Variants in ADAM12 observed in about 807,000 individuals in gnomAD.
The protein encoded by ADAM12 is disintegrin and metalloproteinase domain-containing protein 12.
Under a neutral mutation model 106.4 loss-of-function variants are expected in ADAM12, and 70 were observed. That is an observed-to-expected ratio of 0.66 (90% CI 0.54 to 0.80). The LOEUF is 0.80. ADAM12 is among the 30% of genes least tolerant of loss of function. The pLI is 0.00. For synonymous variants in ADAM12, 420 were observed against 433.5 expected (o/e 0.97, Z 0.39); for missense variants, 1,010 against 1,171.9 (o/e 0.86, Z 2.02).
At chr10:126,116,709 C>A (rs567202574) in intron 6 of ADAM12, among the ~76,000 whole-genome samples, 1 of 151,920 alleles carries the variant, frequency 6.6e-6, no homozygotes, top group East Asian at 2.0e-4. Context: ...AAACAGAAGA[C>A]GTGAGGGTTA....
At chr10:126,029,788 A>G (rs1013877386) in intron 21 of ADAM12, among the ~76,000 whole-genome samples, 1 of 152,246 alleles carries the variant, frequency 6.6e-6, no homozygotes, top group Non-Finnish European at 1.5e-5. Context: ...TCATCTCACT[A>G]TGAAGTATTT....
intron 1 of ADAM12, among the ~76,000 whole-genome samples, chr10:126,350,148 T>C (rs7082031): frequency 0.52 from 79,686 of 151,940 alleles, 21,453 homozygotes; most frequent in Middle Eastern, 0.63. Context: ...CTGGAAAAAA[T>C]TGAAACAACT....
chr10:126,051,532 GCCACCCAT>G (rs1188318463), intron 14 of ADAM12, among the ~76,000 whole-genome samples: 1 of 98,862 alleles, frequency 1.0e-5, no homozygotes, highest in African/African-American at 3.8e-5. Context: ...CAGCCAGCCA[GCCACCCAT>G]CCATCCATCC....
chr10:126,323,011 A>G (rs2133837967), intron 2 of ADAM12, among the ~76,000 whole-genome samples: 1 of 152,286 alleles, frequency 6.6e-6, no homozygotes, highest in South Asian at 2.1e-4. Context: ...GGGTTCCCAC[A>G]GAAGGTAAGA....
At chr10:126,095,135 G>A (rs752552780) in intron 10 of ADAM12, among the ~76,000 whole-genome samples, 11 of 152,128 alleles carry the variant, frequency 7.2e-5, no homozygotes, top group Non-Finnish European at 1.3e-4. Flanking sequence ...TTTTCCAAGA[G>A]GCTTCCAAGA....
At chr10:126,059,009 G>C (rs558209954) in intron 14 of ADAM12, among the ~76,000 whole-genome samples, 16 of 152,110 alleles carry the variant, frequency 1.1e-4, no homozygotes, top group Non-Finnish European at 1.5e-4. Flanking sequence ...TAGGTATTTT[G>C]CCATTATCAA....
chr10:126,138,756 C>T (rs1395267335), intron 4 of ADAM12, among the ~76,000 whole-genome samples: 1 of 151,276 alleles, frequency 6.6e-6, no homozygotes, highest in East Asian at 1.9e-4. Context: ...GCTACTTACA[C>T]TTCTGGTACC....
At chr10:126,238,721 G>A (rs1958467032) in intron 3 of ADAM12, among the ~76,000 whole-genome samples, 1 of 152,144 alleles carries the variant, frequency 6.6e-6, no homozygotes, top group South Asian at 2.1e-4. Context: ...ACAATATTAT[G>A]CTTAAATATT....
chr10:126,229,145 C>G (rs1350908904), intron 3 of ADAM12, among the ~76,000 whole-genome samples: 2 of 152,194 alleles, frequency 1.3e-5, no homozygotes, highest in African/African-American at 4.8e-5. Context: ...GCCCTCAGAG[C>G]CTCCCCTTCC....
At chr10:126,305,641 T>C (rs920553950) in intron 2 of ADAM12, among the ~76,000 whole-genome samples, 1 of 152,122 alleles carries the variant, frequency 6.6e-6, no homozygotes, top group African/African-American at 2.4e-5. Flanking sequence ...ATTGTTTTAC[T>C]TCAAAGTTTA....
chr10:126,067,340 G>A (rs770506776), intron 12 of ADAM12, among the ~76,000 whole-genome samples: 48 of 152,218 alleles, frequency 3.2e-4, no homozygotes, highest in Non-Finnish European at 5.9e-4. Flanking sequence ...TGAGCAGCCC[G>A]GGTAAGTTGT....
chr10:126,044,063 G>A (rs895640913), intron 17 of ADAM12, among the ~76,000 whole-genome samples: 1 of 152,134 alleles, frequency 6.6e-6, no homozygotes, highest in African/African-American at 2.4e-5. Context: ...TATGCCAGAT[G>A]TAACTAACTG....
chr10:126,255,742 C>A lies in ADAM12; in HGVS notation c.260+23173G>T, dbSNP rs78480905. 7.7e-4 allele frequency among the ~76,000 whole-genome samples: 117 copies of A among 152,302 alleles called. 2 individuals carry two copies. In the East Asian group the frequency reaches 0.02, roughly 27 times the overall value. ...TCCATGAGGGTTGTCTCCAGGACAA[C>A]TGAATGATACTCTGAAGGGGGGATG... On this transcript the variant is annotated intron_variant, in intron 3 of 22. Transcript: ENST00000448723.
At position 126,036,235 on chromosome 10, in the gene ADAM12, G is replaced by T. The variant is rs769115498; in HGVS notation, c.2440C>A (p.Arg814=). 2 of 1,551,598 alleles carry T rather than the reference G, an allele frequency of 1.3e-6. No individual in the cohort carries two copies. Among genetic ancestry groups the T allele is most frequent in the Non-Finnish European group, 1.7e-6 (2 of 1,154,584 alleles). The change falls in exon 21 of 23, where the codon CGA becomes AGA. Residue 814 remains arginine, a synonymous_variant. Transcript: ENST00000448723. ...LNVPQPQSTQ[R]VLPPLHRAPR... ...GCCCGGTGGAGGGGAGGAAGCACTC[G>T]CTGAGTTGACTGGGGCTGAGGGACA...
At chr10:126,243,484 A>ATGTGTGT (rs1565162693) in intron 3 of ADAM12, among the ~76,000 whole-genome samples, 1 of 137,254 alleles carries the variant, frequency 7.3e-6, no homozygotes, top group African/African-American at 2.6e-5. Flanking sequence ...TGTGTGTGTG[A>ATGTGTGT]GTGTATGTGT....
intron 3 of ADAM12, among the ~76,000 whole-genome samples, chr10:126,186,123 C>T (rs969508443): frequency 9.9e-5 from 15 of 152,064 alleles, no homozygotes; most frequent in African/African-American, 2.4e-4. Context: ...TAGCAGGAGC[C>T]GGTGGGGATG....
intron 3 of ADAM12, among the ~76,000 whole-genome samples, chr10:126,220,337 G>C (rs1958066981): frequency 6.6e-6 from 1 of 152,210 alleles, no homozygotes; most frequent in Non-Finnish European, 1.5e-5. Context: ...GTATAGCTGG[G>C]AAACAGAGGT....
intron 21 of ADAM12, among the ~76,000 whole-genome samples, chr10:126,030,277 C>G (rs1174531348): frequency 6.6e-6 from 1 of 152,196 alleles, no homozygotes; most frequent in African/African-American, 2.4e-5. Context: ...TAGGGTTTCA[C>G]TGTACTCTTC....
chr10:126,155,343 A>C (rs914677080), intron 3 of ADAM12, 38 bp from the exon 4 acceptor site: 1 of 1,558,406 alleles, frequency 6.4e-7, no homozygotes, highest in East Asian at 2.2e-5. Flanking sequence ...AGATGAGTGC[A>C]GAATTGCATT....
Sources: allele counts gnomAD v4.1 joint callset (sites outside exome capture counted in the v4.1 genomes callset), GRCh38; gene constraint gnomAD v4.1.1; transcripts MANE v1.5; gene names NCBI Gene and HGNC (gene_info 2026-07-23, HGNC 2026-07-21).